The following KCNH8 variants were observed in gnomAD, a reference collection of about 807,000 sequenced individuals.
KCNH8 encodes the protein voltage-gated delayed rectifier potassium channel KCNH8.
KCNH8 carries 70 observed loss-of-function variants against 103.6 expected under a neutral mutation model. That is an observed-to-expected ratio of 0.68 (90% CI 0.56 to 0.82). KCNH8 has a LOEUF of 0.82. Among genes scored for constraint, KCNH8 ranks in the 40% least tolerant of loss-of-function variants. The pLI is 0.00. For synonymous variants in KCNH8, 498 were observed against 489.4 expected, an observed-to-expected ratio of 1.02 and a Z score of -0.23; for missense variants, 1,217 against 1,329.9, an observed-to-expected ratio of 0.92 and a Z score of 1.32.
chr3:19,462,083 A>C (rs1354016981), intron 11 of KCNH8, among the ~76,000 whole-genome samples: 2 of 152,168 alleles, frequency 1.3e-5, no homozygotes, highest in African/African-American at 4.8e-5. Flanking sequence ...GCTATTGTGA[A>C]TAGTGCCACA....
chr3:19,463,475 T>C (rs566767889), intron 11 of KCNH8, among the ~76,000 whole-genome samples: 85 of 152,088 alleles, frequency 5.6e-4, no homozygotes, highest in African/African-American at 2.0e-3. Flanking sequence ...ACAGGCAATG[T>C]GTAGATGAAG....
At chr3:19,218,645 C>A (rs2063840499) in intron 1 of KCNH8, among the ~76,000 whole-genome samples, 1 of 152,166 alleles carries the variant, frequency 6.6e-6, no homozygotes, top group Admixed American at 6.5e-5. Flanking sequence ...GCTGCTGGAA[C>A]AATGTACCAC....
chr3:19,489,553 A>G (rs1442683887), intron 11 of KCNH8, among the ~76,000 whole-genome samples: 2 of 152,092 alleles, frequency 1.3e-5, no homozygotes, highest in African/African-American at 4.8e-5. Context: ...ACGTACCTGT[A>G]ATGCTGGCCA....
chr3:19,304,906 G>T (rs2065110432), intron 3 of KCNH8, among the ~76,000 whole-genome samples: 1 of 151,992 alleles, frequency 6.6e-6, no homozygotes, highest in African/African-American at 2.4e-5. Flanking sequence ...CACTGTATTG[G>T]AAAGCATAGA....
intron 7 of KCNH8, among the ~76,000 whole-genome samples, chr3:19,420,298 CT>C (rs761525398): frequency 1.8e-4 from 28 of 152,196 alleles, no homozygotes; most frequent in Non-Finnish European, 3.7e-4. Flanking sequence ...CTTTATGTAA[CT>C]TTTTTGCTAT....
intron 1 of KCNH8, among the ~76,000 whole-genome samples, chr3:19,200,728 T>C (rs1489097836): frequency 6.6e-6 from 1 of 152,016 alleles, no homozygotes; most frequent in Non-Finnish European, 1.5e-5. Flanking sequence ...GACCTATGAA[T>C]CTCCCAAAAT....
At chr3:19,445,237 T>C (rs2067346458) in intron 8 of KCNH8, among the ~76,000 whole-genome samples, 1 of 152,018 alleles carries the variant, frequency 6.6e-6, no homozygotes, top group Non-Finnish European at 1.5e-5. Context: ...ACATATTTTA[T>C]GATTTTGTTT....
intron 1 of KCNH8, among the ~76,000 whole-genome samples, chr3:19,245,011 C>T (rs1462279570): frequency 2.0e-5 from 3 of 152,050 alleles, no homozygotes; most frequent in Admixed American, 6.6e-5. Context: ...CTTTTGTGGA[C>T]TTAGCCAGAA....
intron 1 of KCNH8, among the ~76,000 whole-genome samples, chr3:19,184,384 C>T (rs2063483286): frequency 1.3e-5 from 2 of 151,822 alleles, no homozygotes; most frequent in South Asian, 4.2e-4. Flanking sequence ...TAAAAAGAAG[C>T]ATAGTAATAA....
At chr3:19,485,151 C>T (rs1359088367) in intron 11 of KCNH8, among the ~76,000 whole-genome samples, 4 of 152,146 alleles carry the variant, frequency 2.6e-5, no homozygotes, top group African/African-American at 4.8e-5. Flanking sequence ...GCTCACAAAC[C>T]TGTTACCTGA....
At chr3:19,207,987 CAGTTT>C (rs1217547742) in intron 1 of KCNH8, among the ~76,000 whole-genome samples, 1 of 151,942 alleles carries the variant, frequency 6.6e-6, no homozygotes, top group Non-Finnish European at 1.5e-5. Flanking sequence ...TCAGGGTGCT[CAGTTT>C]AGTTAATATC....
intron 15 of KCNH8, among the ~76,000 whole-genome samples, chr3:19,521,412 A>G (rs962126628): frequency 6.6e-6 from 1 of 151,986 alleles, no homozygotes; most frequent in Non-Finnish European, 1.5e-5. Flanking sequence ...TGTTGTGAGA[A>G]GTTAATATCA....
At chr3:19,513,359 AAC>A in intron 13 of KCNH8, 34 bp downstream of exon 13, 1 of 1,545,994 alleles carries the variant, frequency 6.5e-7, no homozygotes, top group Admixed American at 2.0e-5. Context: ...TTCTCACGTG[AAC>A]GTGGCTGCCT....
chr3:19,193,104 A>T (rs1341002322), intron 1 of KCNH8, among the ~76,000 whole-genome samples: 2 of 151,686 alleles, frequency 1.3e-5, no homozygotes, highest in Non-Finnish European at 3.0e-5. Flanking sequence ...AACTGATCCC[A>T]TTCAAGAATT....
intron 7 of KCNH8, among the ~76,000 whole-genome samples, chr3:19,419,336 A>G (rs2066915476): frequency 6.6e-6 from 1 of 150,850 alleles, no homozygotes. Flanking sequence ...AGTAGCTGGG[A>G]CTACAGGCGC....
intron 9 of KCNH8, 94 bp from the exon 10 acceptor site, chr3:19,451,061 A>G (rs2067439823): frequency 4.1e-6 from 5 of 1,215,056 alleles, no homozygotes; most frequent in Non-Finnish European, 5.9e-6. Flanking sequence ...AAACAGCAGG[A>G]GACAGTAGGA....
In KCNH8 at chr3:19,458,037, A is replaced by T. The variant is rs553040356; in HGVS notation, c.2040+1055A>T. Among the ~76,000 whole-genome samples the T allele has an allele frequency of 3.3e-5, 5 of 152,108 alleles. No individual in the cohort carries two copies. In the South Asian group the frequency reaches 1.0e-3, roughly 31 times the overall value. The stretch of plus-strand genomic sequence containing the variant: ...GTTAAGCACTCTACCTATGTAAAGC[A>T]TCTCATTTATTGCTTAAGACAAATC... On this transcript the variant is annotated intron_variant, in intron 11 of 15. Transcript: ENST00000328405.
chr3:19,303,940 T>C (rs2065096688), intron 3 of KCNH8, among the ~76,000 whole-genome samples: 1 of 152,122 alleles, frequency 6.6e-6, no homozygotes, highest in Non-Finnish European at 1.5e-5. Flanking sequence ...CCACAGACTA[T>C]CCAATGCATC....
chr3:19,510,407 G>C lies in KCNH8; in HGVS notation c.2079+6G>C. ...ACAAATCTATGGTCTCACAGGTATGGCTTTTGCTACACAGCAAAATATTTA... is the reference window on the plus strand; with the variant it reads ...ACAAATCTATGGTCTCACAGGTATGCCTTTTGCTACACAGCAAAATATTTA... On this transcript the variant is annotated splice_donor_region_variant and intron_variant, in intron 12 of 15. Transcript: ENST00000328405. 2 of 1,550,006 alleles carry C rather than the reference G, an allele frequency of 1.3e-6. No homozygotes were observed. Among genetic ancestry groups the C allele is most frequent in the South Asian group, 2.2e-5 (2 of 89,784 alleles).
Sources: allele counts gnomAD v4.1 joint callset (sites outside exome capture counted in the v4.1 genomes callset), GRCh38; gene constraint gnomAD v4.1.1; transcripts MANE v1.5; gene names NCBI Gene and HGNC (gene_info 2026-07-23, HGNC 2026-07-21).